KSR1: variants seen among roughly 807,000 people sequenced by gnomAD.
KSR1 encodes the protein kinase suppressor of ras 1.
A neutral mutation model predicts 92.9 loss-of-function variants in KSR1; 35 were observed. The observed-to-expected ratio is 0.38, with a 90% CI of 0.29 to 0.50. KSR1 has a LOEUF of 0.50. Ranked by LOEUF, KSR1 falls within the 20% of genes least tolerant of loss-of-function variation. The pLI is 0.94. For missense variants in KSR1, 972 were observed against 1,158.5 expected (o/e 0.84, Z 2.34); for synonymous variants, 467 against 472.6 (o/e 0.99, Z 0.15).
chr17:27,523,243 T>C (rs1357952792), intron 1 of KSR1, among the ~76,000 whole-genome samples: 1 of 152,204 alleles, frequency 6.6e-6, no homozygotes, highest in Admixed American at 6.5e-5. Context: ...CCAGGAAATA[T>C]ATCAATAAAT....
chr17:27,619,147 C>G (rs1387428429), intron 19 of KSR1, among the ~76,000 whole-genome samples: 1 of 152,126 alleles, frequency 6.6e-6, no homozygotes, highest in Admixed American at 6.5e-5. Flanking sequence ...CTGAGGCCCC[C>G]GTCCCTGTGT....
chr17:27,568,163 C>T (rs1252052512), intron 2 of KSR1, among the ~76,000 whole-genome samples: 2 of 152,258 alleles, frequency 1.3e-5, no homozygotes, highest in Admixed American at 6.5e-5. Context: ...GCTCCTGAGA[C>T]ACCTGTCTCC....
chr17:27,534,699 T>C (rs1017184012), intron 1 of KSR1, among the ~76,000 whole-genome samples: 2 of 152,204 alleles, frequency 1.3e-5, no homozygotes, highest in African/African-American at 4.8e-5. Context: ...GTGCTAGTAA[T>C]GTGAGTCCAG....
chr17:27,615,744 C>G (rs957766596), intron 18 of KSR1, among the ~76,000 whole-genome samples: 4 of 152,144 alleles, frequency 2.6e-5, no homozygotes, highest in South Asian at 2.1e-4. Context: ...ATCGTGCCCT[C>G]TCTTTATTTG....
chr17:27,590,888 A>G lies in KSR1; in HGVS notation c.1124A>G (p.His375Arg). ...KSMIFGVKCKHCRLKCHNKCT... is the reference protein window; with the variant it reads ...KSMIFGVKCKRCRLKCHNKCT... Reference sequence around the variant, plus strand: ...ATGATATTTGGAGTGAAGTGCAAGCATTGCAGGTGATGGGAAGAGGAGTGG... The same window carrying G: ...ATGATATTTGGAGTGAAGTGCAAGCGTTGCAGGTGATGGGAAGAGGAGTGG... The change falls in exon 7 of 21, where the codon CAT (histidine) becomes CGT (arginine). Residue 375 changes from histidine to arginine, a missense_variant. Transcript: ENST00000644974. The G allele has an allele frequency of 6.2e-7, 1 of 1,605,854 alleles. No homozygotes were observed. The highest frequency in any genetic ancestry group is 8.5e-7 in the Non-Finnish European group (1 of 1,174,968).
chr17:27,540,758 A>T (rs572540865), intron 1 of KSR1, among the ~76,000 whole-genome samples: 1 of 152,234 alleles, frequency 6.6e-6, no homozygotes, highest in South Asian at 2.1e-4. Flanking sequence ...CTGGGAGCCA[A>T]GGGGCTGCCT....
At chr17:27,520,974 G>C (rs2070001929) in intron 1 of KSR1, among the ~76,000 whole-genome samples, 1 of 152,220 alleles carries the variant, frequency 6.6e-6, no homozygotes, top group Non-Finnish European at 1.5e-5. Flanking sequence ...TTTGGCCTTG[G>C]GTTCGCTTCC....
chr17:27,583,975 C>A (rs980011788), intron 4 of KSR1: 7 of 984,444 alleles, frequency 7.1e-6, no homozygotes, highest in Non-Finnish European at 8.4e-6. Flanking sequence ...ATTAATTAAA[C>A]CCCATTTGTT....
intron 1 of KSR1, among the ~76,000 whole-genome samples, chr17:27,472,421 C>T (rs901062723): frequency 2.0e-5 from 3 of 152,148 alleles, no homozygotes; most frequent in Admixed American, 1.3e-4. Context: ...TCATAAGCCC[C>T]GGGGGGCTCT....
chr17:27,596,192 C>T (rs2073339886), intron 9 of KSR1, among the ~76,000 whole-genome samples: 1 of 152,234 alleles, frequency 6.6e-6, no homozygotes, highest in African/African-American at 2.4e-5. Context: ...TACTAAGCTT[C>T]ATCTGGTTAT....
At chr17:27,491,126 G>A (rs981879964) in intron 1 of KSR1, among the ~76,000 whole-genome samples, 26 of 152,034 alleles carry the variant, frequency 1.7e-4, no homozygotes, top group African/African-American at 6.3e-4. Flanking sequence ...TAATTTTTAT[G>A]TTTATTTTTT....
chr17:27,485,464 G>C (rs1231327488), intron 1 of KSR1, among the ~76,000 whole-genome samples: 1 of 152,208 alleles, frequency 6.6e-6, no homozygotes, highest in African/African-American at 2.4e-5. Flanking sequence ...TCTGCAGACA[G>C]AGTAGATTTA....
rs141900990 is a variant in KSR1 at position 27,480,372 on chromosome 17, A to T, written c.231+23498A>T. 2.2e-3 allele frequency among the ~76,000 whole-genome samples: 338 copies of T among 152,184 alleles called. 2 individuals carry two copies. The highest frequency in any genetic ancestry group is 7.0e-3 in the Admixed American group (107 of 15,288). On this transcript the variant is annotated intron_variant, in intron 1 of 20. Transcript: ENST00000644974. Reference sequence around the variant, plus strand: ...CACAGGGTAAGGATTTTTCTCTTTCATTCACTGATTTTCTTTTCTTTTCTT... The same window carrying T: ...CACAGGGTAAGGATTTTTCTCTTTCTTTCACTGATTTTCTTTTCTTTTCTT...
chr17:27,566,586 G>T, intron 2 of KSR1: 1 of 399,136 alleles, frequency 2.5e-6, no homozygotes. Context: ...AGGCACGGGG[G>T]TCTGGGCGCA....
intron 2 of KSR1, among the ~76,000 whole-genome samples, chr17:27,561,116 C>T (rs966854306): frequency 6.7e-6 from 1 of 149,194 alleles, no homozygotes; most frequent in East Asian, 1.9e-4. Flanking sequence ...CTGTTTCATC[C>T]TTATCCCTGG....
intron 1 of KSR1, among the ~76,000 whole-genome samples, chr17:27,477,986 G>T (rs1233067117): frequency 6.6e-6 from 1 of 152,136 alleles, no homozygotes; most frequent in Admixed American, 6.5e-5. Context: ...CAAAGTGCTG[G>T]GATTACAAGG....
At chr17:27,542,105 T>C (rs2070988645) in intron 1 of KSR1, among the ~76,000 whole-genome samples, 1 of 152,210 alleles carries the variant, frequency 6.6e-6, no homozygotes. Context: ...GGTTTGTGTG[T>C]GAAGATTGGG....
intron 16 of KSR1, 111 bp from the exon 17 acceptor site, chr17:27,609,956 T>C: frequency 1.4e-6 from 2 of 1,413,468 alleles, no homozygotes; most frequent in South Asian, 2.7e-5. Context: ...GGGTGTGTTT[T>C]CTAAGCTGTG....
chr17:27,461,893 G>GCTGGGTGTGTCTGGAGATGGACCATGCA (rs2019467571), intron 1 of KSR1, among the ~76,000 whole-genome samples: 2 of 65,402 alleles, frequency 3.1e-5, no homozygotes, highest in Non-Finnish European at 8.4e-5. Context: ...TGGACCATGC[G>GCTGGGTGTGTCTGGAGATGGACCATGCA]GAGACGCTGG....
Sources: gnomAD v4.1 joint callset for allele counts (sites outside exome capture counted in the v4.1 genomes callset) on GRCh38, gnomAD v4.1.1 for gene constraint, MANE v1.5 for transcripts, NCBI Gene and HGNC (gene_info 2026-07-23, HGNC 2026-07-21) for gene names.